Variants in CNTN5 observed in about 807,000 individuals in gnomAD.
CNTN5 encodes contactin 5, also known as contactin-5.
A neutral mutation model predicts 129.1 loss-of-function variants in CNTN5; 77 were observed. That is an observed-to-expected ratio of 0.60 (90% CI 0.50 to 0.72). CNTN5 has a LOEUF of 0.72. Ranked by LOEUF, CNTN5 falls within the 30% of genes least tolerant of loss-of-function variation. The probability of loss-of-function intolerance (pLI) is 0.00; values close to 1 mark genes in which losing one functional copy is unlikely to be tolerated. For synonymous variants in CNTN5, 509 were observed against 465.6 expected, an observed-to-expected ratio of 1.09 and a Z score of -1.20; for missense variants, 1,478 against 1,328.8, an observed-to-expected ratio of 1.11 and a Z score of -1.75.
intron 1 of CNTN5, among the ~76,000 whole-genome samples, chr11:99,324,968 A>C (rs1802840893): frequency 1.3e-5 from 2 of 152,116 alleles, no homozygotes; most frequent in South Asian, 4.1e-4. Flanking sequence ...ATAAATAATA[A>C]ATTTAACATT....
chr11:99,047,298 T>C (rs7125599), intron 1 of CNTN5, among the ~76,000 whole-genome samples: 148,972 of 151,114 alleles, frequency 0.99, 73,445 homozygotes, highest in Middle Eastern at 1. Context: ...CTAACTTCTT[T>C]CTGCACATGT....
intron 3 of CNTN5, among the ~76,000 whole-genome samples, chr11:99,763,060 C>G (rs550884424): frequency 6.6e-6 from 1 of 152,060 alleles, no homozygotes; most frequent in Non-Finnish European, 1.5e-5. Context: ...ATCACTGCTA[C>G]GATTTTCCAT....
chr11:99,099,540 T>C (rs1040158175), intron 1 of CNTN5, among the ~76,000 whole-genome samples: 1 of 103,302 alleles, frequency 9.7e-6, no homozygotes, highest in Non-Finnish European at 1.9e-5. Flanking sequence ...CATAAAAATA[T>C]AATGTGTATA....
intron 8 of CNTN5, among the ~76,000 whole-genome samples, chr11:99,980,855 C>A (rs1453582): frequency 0.99 from 150,684 of 151,946 alleles, 74,726 homozygotes; most frequent in Middle Eastern, 1. Context: ...TTTCTTCATC[C>A]TCATTAACAG....
At chr11:99,829,368 T>A (rs1482326885) in intron 4 of CNTN5, among the ~76,000 whole-genome samples, 1 of 152,192 alleles carries the variant, frequency 6.6e-6, no homozygotes, top group Non-Finnish European at 1.5e-5. Flanking sequence ...AGAATTCACA[T>A]CACATGTTAT....
intron 17 of CNTN5, among the ~76,000 whole-genome samples, chr11:100,258,339 T>C (rs1304110592): frequency 1.3e-5 from 2 of 152,184 alleles, no homozygotes; most frequent in East Asian, 1.9e-4. Context: ...GACAGGGAGA[T>C]GGGAACCAAG....
At chr11:99,870,231 A>G (rs931453023) in intron 6 of CNTN5, among the ~76,000 whole-genome samples, 1 of 152,148 alleles carries the variant, frequency 6.6e-6, no homozygotes, top group African/African-American at 2.4e-5. Flanking sequence ...GGCAAAAGGT[A>G]TACTCATTTT....
intron 6 of CNTN5, among the ~76,000 whole-genome samples, chr11:99,898,847 A>G (rs1331484403): frequency 6.6e-6 from 1 of 151,922 alleles, no homozygotes; most frequent in African/African-American, 2.4e-5. Context: ...ACAATTTTAT[A>G]TCCTGTATTT....
intron 6 of CNTN5, among the ~76,000 whole-genome samples, chr11:99,912,684 T>A (rs1591408592): frequency 6.7e-6 from 1 of 148,762 alleles, no homozygotes; most frequent in African/African-American, 2.5e-5. Flanking sequence ...GATGAATAGG[T>A]GCAGTAATTC....
chr11:99,709,272 T>C (rs1954875709), intron 3 of CNTN5, among the ~76,000 whole-genome samples: 1 of 151,864 alleles, frequency 6.6e-6, no homozygotes, highest in African/African-American at 2.4e-5. Flanking sequence ...CACACACTTT[T>C]TTTTCTAAAA....
Position 99,548,548 on chromosome 11 carries a change from G to A in CNTN5, c.-70-7597G>A, listed in dbSNP as rs140054258. Reference sequence around the variant, plus strand: ...GACTTATTTTTCTTCAGTCAGTTACGGGGAAGGTTTCCAAGTTAAGTTTCA... The same window carrying A: ...GACTTATTTTTCTTCAGTCAGTTACAGGGAAGGTTTCCAAGTTAAGTTTCA... On this transcript the variant is annotated intron_variant, in intron 2 of 24. Coordinates refer to ENST00000524871, the MANE Select transcript of CNTN5 (RefSeq NM_014361.4). Among the ~76,000 whole-genome samples, 216 of 152,256 alleles carry A rather than the reference G, an allele frequency of 1.4e-3. 2 individuals carry two copies. The highest frequency in any genetic ancestry group is 6.8e-4 in the Non-Finnish European group (46 of 68,024).
chr11:99,152,869 C>G (rs996402488), intron 1 of CNTN5, among the ~76,000 whole-genome samples: 1 of 152,148 alleles, frequency 6.6e-6, no homozygotes, highest in Non-Finnish European at 1.5e-5. Context: ...ATTTCCTTGT[C>G]TGAAAAGGTC....
intron 3 of CNTN5, among the ~76,000 whole-genome samples, chr11:99,748,606 C>G (rs996294143): frequency 2.0e-5 from 3 of 152,122 alleles, no homozygotes; most frequent in Non-Finnish European, 1.5e-5. Flanking sequence ...TACCTTTTAG[C>G]CCAGTTCAAA....
intron 2 of CNTN5, among the ~76,000 whole-genome samples, chr11:99,438,690 A>G (rs1159139059): frequency 1.3e-5 from 2 of 152,062 alleles, no homozygotes; most frequent in Non-Finnish European, 2.9e-5. Flanking sequence ...CAAAGCTCTA[A>G]TTTTTCACTC....
chr11:99,739,752 A>C (rs936476641), intron 3 of CNTN5, among the ~76,000 whole-genome samples: 1 of 152,168 alleles, frequency 6.6e-6, no homozygotes, highest in Non-Finnish European at 1.5e-5. Context: ...TTTTGCTTCC[A>C]TTTAAAGAGA....
intron 3 of CNTN5, among the ~76,000 whole-genome samples, chr11:99,620,508 C>CTTTTTTTTTTTTTT (rs71050006): frequency 1.9e-5 from 2 of 107,022 alleles, no homozygotes; most frequent in Non-Finnish European, 2.0e-5. Context: ...TTTTTCTTTT[C>CTTTTTTTTTTTTTT]TTTTTTTTTT....
chr11:99,794,761 C>G (rs992434213), intron 3 of CNTN5, among the ~76,000 whole-genome samples: 2 of 152,174 alleles, frequency 1.3e-5, no homozygotes, highest in African/African-American at 4.8e-5. Flanking sequence ...CCTATGTTTT[C>G]TGGCTTGTAT....
intron 3 of CNTN5, among the ~76,000 whole-genome samples, chr11:99,697,335 C>G (rs1954315855): frequency 1.3e-5 from 2 of 151,252 alleles, no homozygotes; most frequent in Non-Finnish European, 3.0e-5. Context: ...GAGAGAGAAA[C>G]TTTACAGCCT....
intron 1 of CNTN5, among the ~76,000 whole-genome samples, chr11:99,250,284 C>A (rs1862032499): frequency 6.6e-6 from 1 of 151,936 alleles, no homozygotes; most frequent in South Asian, 2.1e-4. Context: ...CACTTTAGAA[C>A]AAGGTTCTTC....
Sources: gnomAD v4.1 joint callset for allele counts (sites outside exome capture counted in the v4.1 genomes callset) on GRCh38, gnomAD v4.1.1 for gene constraint, MANE v1.5 for transcripts, NCBI Gene and HGNC (gene_info 2026-07-23, HGNC 2026-07-21) for gene names.